Variants in CALD1 observed in about 807,000 individuals in gnomAD.
CALD1 encodes the protein caldesmon.
In CALD1, 33 loss-of-function variants were observed where a neutral mutation model predicts 99.9. That is an observed-to-expected ratio of 0.33 (90% CI 0.25 to 0.44). The LOEUF is 0.44. CALD1 is among the 20% of genes least tolerant of loss of function. CALD1 has a pLI of 1.00. For synonymous variants in CALD1, 310 were observed against 325.0 expected (o/e 0.95, Z 0.50); for missense variants, 861 against 962.1 (o/e 0.89, Z 1.39).
intron 1 of CALD1, among the ~76,000 whole-genome samples, chr7:134,745,175 C>A (rs1283824905): frequency 6.6e-6 from 1 of 152,084 alleles, no homozygotes; most frequent in Non-Finnish European, 1.5e-5. Flanking sequence ...GGTGTTCTTA[C>A]CAGAGAAGAT....
chr7:134,772,507 A>G (rs540955289), intron 1 of CALD1, among the ~76,000 whole-genome samples: 2 of 152,344 alleles, frequency 1.3e-5, no homozygotes, highest in South Asian at 4.1e-4. Context: ...AAGAAAACGA[A>G]GGTTTGGCTC....
intron 1 of CALD1, among the ~76,000 whole-genome samples, chr7:134,817,708 GA>G (rs984014330): frequency 7.2e-5 from 11 of 151,970 alleles, no homozygotes; most frequent in Non-Finnish European, 1.6e-4. Context: ...AGCTAAACGA[GA>G]AAAAAATCAT....
At chr7:134,746,013 GA>G (rs1384490941) in intron 1 of CALD1, among the ~76,000 whole-genome samples, 2 of 152,182 alleles carry the variant, frequency 1.3e-5, no homozygotes, top group Non-Finnish European at 2.9e-5. Flanking sequence ...GTTGACTGAA[GA>G]GAACCTATGG....
At chr7:134,935,946 C>T (rs905576540) in intron 6 of CALD1, among the ~76,000 whole-genome samples, 181 bp downstream of exon 6, 34 of 152,218 alleles carry the variant, frequency 2.2e-4, no homozygotes, top group African/African-American at 7.0e-4. Context: ...TTAAATGTAT[C>T]AGTCAGCATT....
chr7:134,935,264 T>TA (rs1242866508), intron 5 of CALD1, among the ~76,000 whole-genome samples: 1 of 151,768 alleles, frequency 6.6e-6, no homozygotes, highest in Non-Finnish European at 1.5e-5. Flanking sequence ...CCACCACTCC[T>TA]AAAAAAAGAA....
intron 6 of CALD1, among the ~76,000 whole-genome samples, chr7:134,938,714 T>G (rs1425126239): frequency 6.6e-6 from 1 of 152,214 alleles, no homozygotes; most frequent in African/African-American, 2.4e-5. Context: ...AATTTTCAGT[T>G]GAACTCAAAT....
chr7:134,742,116 A>G (rs762792035), upstream of CALD1, among the ~76,000 whole-genome samples: 8 of 152,108 alleles, frequency 5.3e-5, no homozygotes, highest in Non-Finnish European at 1.2e-4. Context: ...GTGGAACTGG[A>G]ACAGTCATTT....
chr7:134,791,053 G>GCAC (rs138079998), intron 1 of CALD1, among the ~76,000 whole-genome samples: 1 of 152,080 alleles, frequency 6.6e-6, no homozygotes. Flanking sequence ...ACCTTCCCAG[G>GCAC]TGAGATACTA....
chr7:134,847,348 G>A (rs1251327752), intron 2 of CALD1, among the ~76,000 whole-genome samples: 3 of 152,088 alleles, frequency 2.0e-5, no homozygotes, highest in Non-Finnish European at 4.4e-5. Flanking sequence ...GGATCTGAAG[G>A]GATCTTTCTT....
At position 134,946,670 on chromosome 7, in the gene CALD1, CT is replaced by C. The variant is rs1350114663; in HGVS notation, c.1533-824del. ...TGTAACAGGTAACAAGATCTCCTTC[CT>C]TTTTTTTTTTTTTCTCTTTTTTTCT... On this transcript the variant is annotated intron_variant, in intron 7 of 14. Transcript: ENST00000361675. Among the ~76,000 whole-genome samples, 928 of 143,012 alleles carry C rather than the reference CT, an allele frequency of 6.5e-3. 5 individuals carry two copies. Among genetic ancestry groups the C allele is most frequent in the African/African-American group, 0.01 (411 of 39,204 alleles). The allele number at this position is 143,012 out of a possible 152,430, so 93.8% of individuals were successfully genotyped here. A position where few individuals can be genotyped will look rare whatever the true frequency, so the allele number is the denominator to read the frequency against.
At chr7:134,913,080 C>T (rs940265448) in intron 3 of CALD1, among the ~76,000 whole-genome samples, 3 of 152,068 alleles carry the variant, frequency 2.0e-5, no homozygotes, top group Non-Finnish European at 4.4e-5. Context: ...GCCTGACCAA[C>T]ATGGAGAAAC....
chr7:134,966,286 C>T (rs1364532637), intron 14 of CALD1, among the ~76,000 whole-genome samples: 1 of 152,192 alleles, frequency 6.6e-6, no homozygotes, highest in Non-Finnish European at 1.5e-5. Context: ...CTTTCTCATG[C>T]TCTTAGTTCT....
chr7:134,953,751 T>C (rs1276549298), intron 9 of CALD1, among the ~76,000 whole-genome samples: 1 of 151,126 alleles, frequency 6.6e-6, no homozygotes, highest in Non-Finnish European at 1.5e-5. Flanking sequence ...AACGTACCTA[T>C]TTCTCTGGTC....
intron 1 of CALD1, among the ~76,000 whole-genome samples, chr7:134,754,985 A>C (rs1796715104): frequency 9.3e-6 from 1 of 107,898 alleles, no homozygotes; most frequent in South Asian, 4.7e-4. Flanking sequence ...CAACACTACT[A>C]TATATTTTAC....
intron 6 of CALD1, among the ~76,000 whole-genome samples, chr7:134,939,621 C>T (rs988757398): frequency 1.3e-5 from 2 of 152,138 alleles, no homozygotes; most frequent in African/African-American, 4.8e-5. Context: ...AATCAAATGA[C>T]TTAAAACTTA....
intron 1 of CALD1, among the ~76,000 whole-genome samples, chr7:134,826,170 T>C (rs759626034): frequency 7.2e-5 from 11 of 152,196 alleles, no homozygotes; most frequent in Non-Finnish European, 1.6e-4. Flanking sequence ...AATTTTATTA[T>C]TCTATTGTCT....
At chr7:134,723,614 T>C in the CALD1 span, among the ~76,000 whole-genome samples, 1 of 141,092 alleles carries the variant, frequency 7.1e-6, no homozygotes, top group African/African-American at 2.7e-5. Context: ...CAGGTCTGTT[T>C]AAAGCAGTGT....
chr7:134,819,707 T>C (rs1452991472), intron 1 of CALD1, among the ~76,000 whole-genome samples: 1 of 152,210 alleles, frequency 6.6e-6, no homozygotes, highest in Non-Finnish European at 1.5e-5. Flanking sequence ...ATGATGACTA[T>C]ACGTAAACCC....
intron 1 of CALD1, among the ~76,000 whole-genome samples, chr7:134,787,436 C>T (rs890629146): frequency 1.3e-5 from 2 of 152,108 alleles, no homozygotes; most frequent in South Asian, 4.1e-4. Flanking sequence ...GCAGATATTT[C>T]GCTTCCTAGG....
Sources: allele counts gnomAD v4.1 joint callset (sites outside exome capture counted in the v4.1 genomes callset), GRCh38; gene constraint gnomAD v4.1.1; transcripts MANE v1.5; gene names NCBI Gene and HGNC (gene_info 2026-07-23, HGNC 2026-07-21).